PTPRE: variants seen among roughly 807,000 people sequenced by gnomAD.
PTPRE encodes protein tyrosine phosphatase receptor type E, also known as receptor-type tyrosine-protein phosphatase epsilon.
Under a neutral mutation model 102.0 loss-of-function variants are expected in PTPRE, and 51 were observed. The ratio of observed to expected loss-of-function variants is 0.50; its 90% CI spans 0.40 to 0.63. The LOEUF (loss-of-function observed/expected upper bound fraction) is 0.63, where lower values mean the gene tolerates loss of function less well. Among genes scored for constraint, PTPRE ranks in the 30% least tolerant of loss-of-function variants. The pLI is 0.00. For missense variants in PTPRE, 752 were observed against 915.1 expected (o/e 0.82, Z 2.30); for synonymous variants, 345 against 348.2 (o/e 0.99, Z 0.10).
chr10:128,082,795 G>T, intron 20 of PTPRE, 37 bp from the exon 21 acceptor site: 1 of 1,525,058 alleles, frequency 6.6e-7, no homozygotes. Context: ...ATATTTTTGG[G>T]AATATCATTT....
rs1846498578 is a variant in PTPRE, at chr10:127,920,238, C to CA, written c.-31+12931dup. ...GCTCAGCCTCTAGTAACAAATGACA[C>CA]AAGGCATTTGTGAAGGCTGGAAAGC... On this transcript the variant is annotated intron_variant, in intron 1 of 20. Transcript: ENST00000254667. 9.8e-5 allele frequency among the ~76,000 whole-genome samples: 15 copies of CA among 152,312 alleles called. No homozygotes were observed. The South Asian group carries it at 2.9e-3, about 29-fold the overall frequency.
chr10:127,976,877 C>T lies in PTPRE; in HGVS notation c.-30-5397C>T, dbSNP rs538126434. Among the ~76,000 whole-genome samples, 19 of 152,264 alleles carry T rather than the reference C, an allele frequency of 1.2e-4. 1 individual carries two copies. Among genetic ancestry groups the T allele is most frequent in the Admixed American group, 2.6e-4 (4 of 15,292 alleles). Reference sequence around the variant, plus strand: ...ATCTGAAGCCTAGATGATTCAGAAACGTTTTGCTTTCTTCCATCATTTGAA... The same window carrying T: ...ATCTGAAGCCTAGATGATTCAGAAATGTTTTGCTTTCTTCCATCATTTGAA... On this transcript the variant is annotated intron_variant, in intron 1 of 20. Transcript: ENST00000254667.
intron 1 of PTPRE, among the ~76,000 whole-genome samples, chr10:127,964,131 C>G (rs1272245637): frequency 6.6e-6 from 1 of 152,124 alleles, no homozygotes; most frequent in Non-Finnish European, 1.5e-5. Flanking sequence ...CCCCTCCCAG[C>G]TGGCAGAGTA....
intron 10 of PTPRE, among the ~76,000 whole-genome samples, 171 bp from the exon 11 acceptor site, chr10:128,065,904 G>A (rs762065326): frequency 6.6e-5 from 10 of 152,190 alleles, no homozygotes; most frequent in East Asian, 1.9e-4. Flanking sequence ...CACCAGTTAC[G>A]CAGCCTCAGT....
intron 1 of PTPRE, among the ~76,000 whole-genome samples, chr10:127,942,932 C>T (rs964303328): frequency 6.6e-6 from 1 of 152,184 alleles, no homozygotes; most frequent in Non-Finnish European, 1.5e-5. Context: ...AATTTCAGGG[C>T]CGCATCTGTT....
chr10:127,944,497 TGG>T lies in PTPRE; in HGVS notation c.-31+37189_-31+37190del, dbSNP rs1564816506. On this transcript the variant is annotated intron_variant, in intron 1 of 20. Transcript: ENST00000254667. This position sits in a 1 kb window ranked among gnomAD's most constrained non-coding sequence, Gnocchi z 4.2. ...ATGGATGGATGGATGGATGGATGGA[TGG>T]ATGGATGGATGGATGGGTGGATGGA... 0.014 allele frequency among the ~76,000 whole-genome samples: 1,261 copies of T among 89,642 alleles called. 86 individuals are homozygous for T. In the East Asian group the frequency reaches 0.31, roughly 22 times the overall value. The allele number at this position is 89,642 out of a possible 152,430, so 58.8% of individuals were successfully genotyped here. A position where few individuals can be genotyped will look rare whatever the true frequency, so the allele number is the denominator to read the frequency against.
At chr10:128,073,304 G>T in intron 16 of PTPRE, 33 bp from the exon 17 acceptor site, 1 of 1,612,540 alleles carries the variant, frequency 6.2e-7, no homozygotes, top group Non-Finnish European at 8.5e-7. Flanking sequence ...ATGGAAGGAA[G>T]TCAGACTCTA....
intron 12 of PTPRE, 21 bp from the exon 13 acceptor site, chr10:128,069,671 C>A (rs752748395): frequency 1.2e-5 from 19 of 1,613,612 alleles, no homozygotes; most frequent in Middle Eastern, 3.4e-4. Context: ...CACGACGCAG[C>A]ATCTTTCTCT....
chr10:128,060,809 C>T, intron 7 of PTPRE, 130 bp from the exon 8 acceptor site: 1 of 786,268 alleles, frequency 1.3e-6, no homozygotes, highest in Non-Finnish European at 2.2e-6. Context: ...CCTGGTGTCG[C>T]TGTGAAGCTG....
chr10:128,059,143 T>C (rs1378169766), intron 7 of PTPRE, among the ~76,000 whole-genome samples: 1 of 152,258 alleles, frequency 6.6e-6, no homozygotes, highest in Admixed American at 6.5e-5. Context: ...TACCCTGTGC[T>C]TTTCTATAGC....
chr10:128,067,781 G>A (rs1850397433), intron 11 of PTPRE, among the ~76,000 whole-genome samples: 1 of 152,212 alleles, frequency 6.6e-6, no homozygotes, highest in African/African-American at 2.4e-5. Context: ...CCGGCCTGAG[G>A]TGGGACTGTC....
chr10:128,076,863 T>C (rs1294430823), intron 18 of PTPRE, 135 bp downstream of exon 18: 2 of 1,268,582 alleles, frequency 1.6e-6, no homozygotes, highest in Admixed American at 4.9e-5. Context: ...TGGCTATGAA[T>C]GGCCAATGGG....
chr10:128,012,627 G>A (rs1032082372), intron 2 of PTPRE, among the ~76,000 whole-genome samples: 6 of 152,192 alleles, frequency 3.9e-5, no homozygotes, highest in Non-Finnish European at 8.8e-5. Context: ...AGGCATGGAC[G>A]AGGCATCATT....
chr10:127,925,658 C>T (rs1473971180), intron 1 of PTPRE, among the ~76,000 whole-genome samples: 2 of 152,188 alleles, frequency 1.3e-5, no homozygotes, highest in Non-Finnish European at 2.9e-5. Flanking sequence ...CTGCTAGGCC[C>T]TTCCAGCTGT....
intron 1 of PTPRE, among the ~76,000 whole-genome samples, chr10:127,959,154 C>T (rs777638923): frequency 7.2e-5 from 11 of 152,206 alleles, no homozygotes; most frequent in Non-Finnish European, 1.3e-4. Flanking sequence ...CCTTAGCCTC[C>T]CAAAGTGCTG....
intron 2 of PTPRE, among the ~76,000 whole-genome samples, chr10:128,004,155 G>A (rs982907645): frequency 5.3e-5 from 8 of 151,450 alleles, no homozygotes; most frequent in African/African-American, 1.7e-4. Flanking sequence ...TGTTAATAAC[G>A]ATGATACTAC....
At chr10:127,910,101 G>A (rs1845766369) in intron 1 of PTPRE, among the ~76,000 whole-genome samples, 2 of 152,194 alleles carry the variant, frequency 1.3e-5, no homozygotes, top group African/African-American at 4.8e-5. Flanking sequence ...TGTTGCCAAA[G>A]CAGGAATGAA....
intron 1 of PTPRE, among the ~76,000 whole-genome samples, chr10:127,911,104 G>A (rs1426389608): frequency 6.6e-6 from 1 of 152,036 alleles, no homozygotes; most frequent in Non-Finnish European, 1.5e-5. Context: ...AATCAATGAA[G>A]TTTGAATGAA....
At chr10:127,975,910 T>G (rs1290977960) in intron 1 of PTPRE, among the ~76,000 whole-genome samples, 3 of 152,164 alleles carry the variant, frequency 2.0e-5, no homozygotes, top group Non-Finnish European at 2.9e-5. Flanking sequence ...CCTATATCTC[T>G]GAGCCTCAGT....
Sources: allele counts gnomAD v4.1 joint callset (sites outside exome capture counted in the v4.1 genomes callset), GRCh38; gene constraint gnomAD v4.1.1; non-coding constraint Gnocchi (gnomAD v3.1); transcripts MANE v1.5; gene names NCBI Gene and HGNC (gene_info 2026-07-23, HGNC 2026-07-21).